The following RGL1 variants were observed in gnomAD, a reference collection of about 807,000 sequenced individuals.
The protein encoded by RGL1 is ral guanine nucleotide dissociation stimulator like 1.
RGL1 carries 24 observed loss-of-function variants against 95.2 expected under a neutral mutation model. The ratio of observed to expected loss-of-function variants is 0.25; its 90% CI spans 0.18 to 0.35. The LOEUF is 0.35. RGL1 is among the 10% of genes least tolerant of loss of function. The pLI, the probability that RGL1 is intolerant of heterozygous loss-of-function variation, is 1.00. For missense variants in RGL1, 715 were observed against 936.3 expected, an observed-to-expected ratio of 0.76 and a Z score of 3.08; for synonymous variants, 329 against 344.9, an observed-to-expected ratio of 0.95 and a Z score of 0.51.
chr1:183,864,086 A>G (rs906091498), intron 3 of RGL1, among the ~76,000 whole-genome samples: 5 of 152,250 alleles, frequency 3.3e-5, no homozygotes, highest in Non-Finnish European at 4.4e-5. Context: ...GAATGCAGGA[A>G]AAGAGCAGAA....
chr1:183,698,007 T>C (rs926438061), intron 1 of RGL1, among the ~76,000 whole-genome samples: 1 of 152,210 alleles, frequency 6.6e-6, no homozygotes, highest in Admixed American at 6.5e-5. Context: ...CCTTGTCTGC[T>C]GCTGTCAGCT....
chr1:183,708,727 T>C (rs564483108), intron 1 of RGL1, among the ~76,000 whole-genome samples: 2 of 152,334 alleles, frequency 1.3e-5, no homozygotes, highest in African/African-American at 4.8e-5. Flanking sequence ...CGTGGATTTT[T>C]CTCTGTTAAC....
intron 1 of RGL1, among the ~76,000 whole-genome samples, chr1:183,673,461 A>G (rs1319328062): frequency 1.3e-5 from 2 of 152,178 alleles, no homozygotes; most frequent in Admixed American, 1.3e-4. Flanking sequence ...GTTCTACTTC[A>G]TCAGGTTGAG....
At chr1:183,683,218 C>T (rs1414932668) in intron 1 of RGL1, among the ~76,000 whole-genome samples, 2 of 152,086 alleles carry the variant, frequency 1.3e-5, no homozygotes, top group African/African-American at 4.8e-5. Flanking sequence ...CATAATGATG[C>T]TAGGTGGTTA....
chr1:183,712,225 G>A (rs965826057), intron 1 of RGL1, among the ~76,000 whole-genome samples: 7 of 152,190 alleles, frequency 4.6e-5, no homozygotes, highest in African/African-American at 1.4e-4. Context: ...AGGGCTGACT[G>A]GCATGTGGTT....
At position 183,882,586 on chromosome 1, in the gene RGL1, G is replaced by A. The variant is rs1358100919; in HGVS notation, c.611-1200G>A. On this transcript the variant is annotated intron_variant, in intron 5 of 17. Transcript: ENST00000360851. ...ACCTGTTTGTGTCGCAGACTCCGGGGATAGGCAGTGATCCCCTTCTACGTT... is the reference window on the plus strand; with the variant it reads ...ACCTGTTTGTGTCGCAGACTCCGGGAATAGGCAGTGATCCCCTTCTACGTT... 4.6e-5 allele frequency among the ~76,000 whole-genome samples: 7 copies of A among 152,268 alleles called. No homozygotes were observed. In the East Asian group the frequency reaches 7.7e-4, roughly 17 times the overall value.
At chr1:183,866,166 A>G in intron 4 of RGL1, 93 bp downstream of exon 4, 1 of 1,098,264 alleles carries the variant, frequency 9.1e-7, no homozygotes, top group South Asian at 1.3e-5. Flanking sequence ...GAATGTTGCC[A>G]TGATTTTTTT....
At chr1:183,723,023 C>T (rs538269196) in intron 1 of RGL1, among the ~76,000 whole-genome samples, 1 of 152,170 alleles carries the variant, frequency 6.6e-6, no homozygotes, top group Admixed American at 6.5e-5. Flanking sequence ...AAGTAAAATA[C>T]ATGACAACAA....
intron 1 of RGL1, among the ~76,000 whole-genome samples, chr1:183,707,365 C>T (rs529616162): frequency 1.1e-4 from 17 of 152,216 alleles, no homozygotes; most frequent in African/African-American, 3.4e-4. Flanking sequence ...GGAAATGAAC[C>T]GAGTCTTTTG....
intron 1 of RGL1, among the ~76,000 whole-genome samples, chr1:183,720,393 C>T (rs1655951821): frequency 6.6e-6 from 1 of 152,232 alleles, no homozygotes; most frequent in Non-Finnish European, 1.5e-5. Flanking sequence ...CGTCCCTATA[C>T]TCCCTCTTCA....
chr1:183,918,186 A>C (rs1669098935), intron 16 of RGL1, among the ~76,000 whole-genome samples: 1 of 152,192 alleles, frequency 6.6e-6, no homozygotes, highest in Non-Finnish European at 1.5e-5. Context: ...ATCAGATGGC[A>C]TTGTCTGATA....
chr1:183,825,525 C>T (rs1662787790), intron 2 of RGL1, among the ~76,000 whole-genome samples: 1 of 152,120 alleles, frequency 6.6e-6, no homozygotes, highest in Non-Finnish European at 1.5e-5. Flanking sequence ...CAAGTAACAT[C>T]CTGTCACTTT....
chr1:183,812,912 A>G (rs998159497), intron 2 of RGL1, among the ~76,000 whole-genome samples: 3 of 152,228 alleles, frequency 2.0e-5, no homozygotes, highest in African/African-American at 7.2e-5. Context: ...AGAGAAAGGC[A>G]TGAGTCATGT....
chr1:183,684,798 C>A (rs964259227), intron 1 of RGL1, among the ~76,000 whole-genome samples: 3 of 152,174 alleles, frequency 2.0e-5, no homozygotes, highest in Admixed American at 6.5e-5. Flanking sequence ...AGTGCACTGT[C>A]CCTCATGGCA....
At chr1:183,676,594 A>G (rs1572261735) in intron 1 of RGL1, among the ~76,000 whole-genome samples, 1 of 151,680 alleles carries the variant, frequency 6.6e-6, no homozygotes, top group African/African-American at 2.4e-5. Flanking sequence ...AGGGGCAAGT[A>G]GAACTACCCT....
At chr1:183,656,611 A>G (rs1010726199) in intron 1 of RGL1, among the ~76,000 whole-genome samples, 1 of 152,102 alleles carries the variant, frequency 6.6e-6, no homozygotes, top group African/African-American at 2.4e-5. Flanking sequence ...TTGTCCACAA[A>G]TCCTCTGTGA....
chr1:183,784,245 A>G (rs1660041870), intron 2 of RGL1, among the ~76,000 whole-genome samples: 1 of 152,216 alleles, frequency 6.6e-6, no homozygotes, highest in African/African-American at 2.4e-5. Flanking sequence ...CACCCAGACA[A>G]GTTGGTACTG....
intron 1 of RGL1, among the ~76,000 whole-genome samples, chr1:183,682,287 G>A (rs1387631910): frequency 6.6e-6 from 1 of 151,876 alleles, no homozygotes; most frequent in African/African-American, 2.4e-5. Context: ...ATCTTTCCTG[G>A]TTTCTCCTGT....
chr1:183,839,307 C>A (rs915583597), intron 2 of RGL1, among the ~76,000 whole-genome samples: 3 of 152,176 alleles, frequency 2.0e-5, no homozygotes, highest in African/African-American at 7.2e-5. Flanking sequence ...CCTAACCCAC[C>A]AAAATCTGAC....
Sources: allele counts gnomAD v4.1 joint callset (sites outside exome capture counted in the v4.1 genomes callset), GRCh38; gene constraint gnomAD v4.1.1; transcripts MANE v1.5; gene names NCBI Gene and HGNC (gene_info 2026-07-23, HGNC 2026-07-21).